The following GULP1 variants were observed in gnomAD, a reference collection of about 807,000 sequenced individuals.
GULP1 encodes the protein PTB domain-containing engulfment adapter protein 1.
In GULP1, 19 loss-of-function variants were observed where a neutral mutation model predicts 40.9. The observed-to-expected ratio is 0.46, with a 90% CI of 0.32 to 0.68. The LOEUF is 0.68. GULP1 is among the 30% of genes least tolerant of loss of function. GULP1 has a pLI of 0.03. For missense variants in GULP1, 312 were observed against 362.2 expected, an observed-to-expected ratio of 0.86 and a Z score of 1.12; for synonymous variants, 119 against 117.6, an observed-to-expected ratio of 1.01 and a Z score of -0.08.
chr2:188,509,420 G>GTA (rs763019225), intron 4 of GULP1, among the ~76,000 whole-genome samples: 75 of 152,134 alleles, frequency 4.9e-4, no homozygotes, highest in Admixed American at 4.7e-3. Context: ...GAAATAGACC[G>GTA]TATTAATCAT....
chr2:188,561,840 G>A (rs1367105824), intron 7 of GULP1, among the ~76,000 whole-genome samples: 1 of 152,144 alleles, frequency 6.6e-6, no homozygotes, highest in Non-Finnish European at 1.5e-5. Context: ...GGCAGTGGTA[G>A]TCCTTGCCTA....
chr2:188,501,074 G>C (rs2063385749), intron 4 of GULP1, among the ~76,000 whole-genome samples: 1 of 151,742 alleles, frequency 6.6e-6, no homozygotes, highest in Admixed American at 6.6e-5. Context: ...TTACTATTAT[G>C]GCTCCCATTT....
intron 5 of GULP1, among the ~76,000 whole-genome samples, chr2:188,523,217 A>C (rs1685293383): frequency 6.6e-6 from 1 of 152,188 alleles, no homozygotes; most frequent in Non-Finnish European, 1.5e-5. Context: ...TCCACCAGTT[A>C]AAAATGTGGA....
At chr2:188,399,958 T>C (rs2051965586) in intron 2 of GULP1, among the ~76,000 whole-genome samples, 2 of 152,154 alleles carry the variant, frequency 1.3e-5, no homozygotes, top group Non-Finnish European at 2.9e-5. Flanking sequence ...GAGTTTATAG[T>C]CTAGTGAAAT....
intron 9 of GULP1, among the ~76,000 whole-genome samples, chr2:188,580,162 C>T (rs1216131608): frequency 6.6e-6 from 1 of 152,118 alleles, no homozygotes; most frequent in African/African-American, 2.4e-5. Flanking sequence ...AAGGTGGCTA[C>T]CAAGGACAGA....
chr2:188,437,716 A>G (rs2057539210), intron 2 of GULP1, among the ~76,000 whole-genome samples: 2 of 152,154 alleles, frequency 1.3e-5, no homozygotes, highest in Admixed American at 6.6e-5. Context: ...AAAATGTGGT[A>G]CATATACAGC....
At chr2:188,503,283 CT>C (rs2063600554) in intron 4 of GULP1, among the ~76,000 whole-genome samples, 1 of 151,686 alleles carries the variant, frequency 6.6e-6, no homozygotes, top group Admixed American at 6.6e-5. Flanking sequence ...TAAAGAACTG[CT>C]TGAGACTGGG....
At chr2:188,313,309 A>C (rs2038500046) in intron 1 of GULP1, among the ~76,000 whole-genome samples, 1 of 152,126 alleles carries the variant, frequency 6.6e-6, no homozygotes, top group Non-Finnish European at 1.5e-5. Context: ...AGGTGTAAGG[A>C]AGGGGTCCAG....
At chr2:188,397,158 C>G (rs12611919) in intron 2 of GULP1, among the ~76,000 whole-genome samples, 67,450 of 152,052 alleles carry the variant, frequency 0.44, 15,386 homozygotes, top group East Asian at 0.55. Context: ...TAAGAAAATT[C>G]ACGGTGTGAT....
chr2:188,571,697 T>A (rs1351517162), intron 9 of GULP1, among the ~76,000 whole-genome samples: 1 of 152,226 alleles, frequency 6.6e-6, no homozygotes, highest in Admixed American at 6.5e-5. Flanking sequence ...CATCCCAAGA[T>A]GGAACACACA....
In GULP1 at chr2:188,529,169, G is replaced by T. The variant is rs1250664724; in HGVS notation, c.235G>T (p.Val79Leu). 1 of 1,570,772 alleles carries T rather than the reference G, an allele frequency of 6.4e-7. No individual in the cohort carries two copies. Among genetic ancestry groups the T allele is most frequent in the Admixed American group, 1.7e-5 (1 of 57,434 alleles). ...KVELQISIYG[V>L]KILEPKTKEV... is the part of the protein sequence containing the mutation. ...GGAGTTGCAAATATCAATTTATGGA[G>T]TAAAAATTCTAGAACCCAAAACAAA... The change falls in exon 6 of 12, where the codon GTA becomes TTA. Residue 79 changes from valine to leucine, a missense_variant. Transcript: ENST00000409830.
chr2:188,423,385 T>C (rs143662636), intron 2 of GULP1, among the ~76,000 whole-genome samples: 41 of 152,124 alleles, frequency 2.7e-4, no homozygotes, highest in African/African-American at 9.9e-4. Flanking sequence ...ATATAGGTAA[T>C]GATAGTGAGA....
intron 4 of GULP1, among the ~76,000 whole-genome samples, chr2:188,506,802 G>A (rs1575663056): frequency 6.6e-6 from 1 of 152,064 alleles, no homozygotes; most frequent in African/African-American, 2.4e-5. Context: ...GCGCCTTAAT[G>A]TCAGTGTTTA....
At chr2:188,578,700 A>C (rs1700661695) in intron 9 of GULP1, among the ~76,000 whole-genome samples, 1 of 152,132 alleles carries the variant, frequency 6.6e-6, no homozygotes, top group South Asian at 2.1e-4. Flanking sequence ...GATACTGTGC[A>C]TGTTCCTAAA....
chr2:188,562,958 G>C (rs896448977), intron 7 of GULP1, among the ~76,000 whole-genome samples: 2 of 152,036 alleles, frequency 1.3e-5, no homozygotes, highest in African/African-American at 4.8e-5. Context: ...AAAAGTTACA[G>C]GGGAATTAAA....
chr2:188,327,275 G>T (rs1388909885), intron 1 of GULP1, among the ~76,000 whole-genome samples: 2 of 152,086 alleles, frequency 1.3e-5, no homozygotes, highest in Non-Finnish European at 2.9e-5. Flanking sequence ...CCAACATAGG[G>T]CTCTTTGTTT....
At chr2:188,521,892 C>T (rs780159428) in intron 4 of GULP1, among the ~76,000 whole-genome samples, 25 of 152,134 alleles carry the variant, frequency 1.6e-4, no homozygotes, top group Middle Eastern at 3.4e-3. Flanking sequence ...CTGGCTAACA[C>T]GGTGAAACCC....
intron 4 of GULP1, among the ~76,000 whole-genome samples, chr2:188,503,963 C>T (rs1392583574): frequency 1.3e-5 from 2 of 151,888 alleles, no homozygotes; most frequent in Non-Finnish European, 2.9e-5. Flanking sequence ...TTAAGATATA[C>T]TTAGTAAAAT....
chr2:188,353,594 C>T (rs2044816205), intron 1 of GULP1, among the ~76,000 whole-genome samples: 1 of 151,984 alleles, frequency 6.6e-6, no homozygotes, highest in Non-Finnish European at 1.5e-5. Flanking sequence ...AAAAATGATG[C>T]CTTGGCTGCC....
Sources: gnomAD v4.1 joint callset for allele counts (sites outside exome capture counted in the v4.1 genomes callset) on GRCh38, gnomAD v4.1.1 for gene constraint, MANE v1.5 for transcripts, NCBI Gene and HGNC (gene_info 2026-07-23, HGNC 2026-07-21) for gene names.